MPP7: variants seen among roughly 807,000 people sequenced by gnomAD.
The protein encoded by MPP7 is MAGUK p55 subfamily member 7.
Under a neutral mutation model 76.5 loss-of-function variants are expected in MPP7, and 60 were observed. That is an observed-to-expected ratio of 0.78 (90% confidence interval 0.64 to 0.97). The LOEUF is 0.97. Ranked by LOEUF, MPP7 falls within the 50% of genes least tolerant of loss-of-function variation. The pLI is 0.00. For synonymous variants in MPP7, 237 were observed against 244.5 expected (o/e 0.97, Z 0.29); for missense variants, 641 against 694.0 (o/e 0.92, Z 0.86).
chr10:28,232,373 AC>A (rs1838916305), intron 2 of MPP7, among the ~76,000 whole-genome samples: 1 of 141,918 alleles, frequency 7.0e-6, no homozygotes, highest in Non-Finnish European at 1.5e-5. Flanking sequence ...ACACACACAC[AC>A]ACACACACAC....
At chr10:28,209,326 G>A (rs1290170108) in intron 2 of MPP7, among the ~76,000 whole-genome samples, 1 of 152,038 alleles carries the variant, frequency 6.6e-6, no homozygotes, top group East Asian at 1.9e-4. Flanking sequence ...TGTTAGCTGA[G>A]CATAGTGGTG....
intron 4 of MPP7, among the ~76,000 whole-genome samples, chr10:28,149,750 A>G (rs1390955848): frequency 6.6e-6 from 1 of 152,264 alleles, no homozygotes; most frequent in East Asian, 1.9e-4. Context: ...TTACGAAGTT[A>G]CGAAAGCAGA....
chr10:28,248,642 C>T (rs571095673), intron 1 of MPP7, among the ~76,000 whole-genome samples: 1 of 152,320 alleles, frequency 6.6e-6, no homozygotes, highest in South Asian at 2.1e-4. Flanking sequence ...CGATGCAGGG[C>T]ATAATGATGT....
chr10:28,222,999 T>G (rs1838567572), intron 2 of MPP7, among the ~76,000 whole-genome samples: 2 of 151,630 alleles, frequency 1.3e-5, no homozygotes, highest in Admixed American at 1.3e-4. Context: ...CCAGGCGTGG[T>G]GGCAGGTGCC....
At chr10:28,156,387 T>C (rs1836062593) in intron 3 of MPP7, among the ~76,000 whole-genome samples, 1 of 152,178 alleles carries the variant, frequency 6.6e-6, no homozygotes, top group Non-Finnish European at 1.5e-5. Context: ...TCGTCTCCCT[T>C]TGACTACACC....
chr10:28,085,432 C>T (rs1489149041), intron 12 of MPP7, among the ~76,000 whole-genome samples: 1 of 152,100 alleles, frequency 6.6e-6, no homozygotes, highest in African/African-American at 2.4e-5. Context: ...TAAAAACTTG[C>T]TTGAGACTGT....
At chr10:28,183,796 A>G (rs1468615666) in intron 3 of MPP7, among the ~76,000 whole-genome samples, 2 of 152,216 alleles carry the variant, frequency 1.3e-5, no homozygotes, top group Admixed American at 6.5e-5. Flanking sequence ...TCTCAAAAAA[A>G]AACAAGTTTG....
chr10:28,319,133 T>C (rs774973113), intron 2 of MPP7, among the ~76,000 whole-genome samples: 6 of 151,510 alleles, frequency 4.0e-5, no homozygotes, highest in Non-Finnish European at 7.4e-5. Flanking sequence ...TGGCAGAGGG[T>C]GAAGGGGAAG....
Position 28,089,720 on chromosome 10 carries a change from T to C in MPP7, c.1074A>G (p.Thr358=), listed in dbSNP as rs1473560831. The stretch of plus-strand genomic sequence containing the variant: ...TTTCATTAGTTTGTCGCCGATACGG[T>C]GTCACTTCTTCGTATGTGGGTACGT... ...TADVPTYEEV[T]PYRRQTNEKY... The change falls in exon 12 of 17, where the codon ACA becomes ACG. Residue 358 remains threonine (T), a synonymous_variant. Transcript: ENST00000683449. 3.1e-6 allele frequency: 5 copies of C among 1,613,970 alleles called. No individual in the cohort carries two copies. The highest frequency in any genetic ancestry group is 4.2e-6 in the Non-Finnish European group (5 of 1,179,898).
chr10:28,217,552 G>GAAAAA (rs1838355450), intron 2 of MPP7, among the ~76,000 whole-genome samples: 1 of 147,212 alleles, frequency 6.8e-6, no homozygotes, highest in Admixed American at 6.8e-5. Flanking sequence ...GAAAAGAAAA[G>GAAAAA]AAAAGAAAAG....
intron 2 of MPP7, among the ~76,000 whole-genome samples, chr10:28,324,439 T>C (rs1002630221): frequency 1.3e-5 from 2 of 152,230 alleles, no homozygotes; most frequent in South Asian, 4.1e-4. Flanking sequence ...GTAAGATTAT[T>C]ATGTACCACG....
chr10:28,261,069 T>C (rs1431913287), intron 1 of MPP7, among the ~76,000 whole-genome samples: 6 of 152,212 alleles, frequency 3.9e-5, no homozygotes, highest in African/African-American at 1.4e-4. Context: ...CCCAATTCAA[T>C]CAATTATCTT....
rs75761612 is a variant in MPP7, at chr10:28,235,931, C to T, written c.37+2637G>A. On this transcript the variant is annotated intron_variant, in intron 2 of 16. Coordinates refer to ENST00000683449, the MANE Select transcript of MPP7 (RefSeq NM_001318170.2). ...ATTCTGCAAGTAAATTAGAAAATGA[C>T]GAACCAGTACAAAAATGGGGAAGAG... Among the ~76,000 whole-genome samples, 1,511 of 152,138 alleles carry T rather than the reference C, an allele frequency of 9.9e-3. 25 individuals are homozygous for T. Among genetic ancestry groups the T allele is most frequent in the East Asian group, 0.066 (340 of 5,182 alleles).
At chr10:28,132,902 T>C (rs972131748) in intron 5 of MPP7, among the ~76,000 whole-genome samples, 3 of 46,372 alleles carry the variant, frequency 6.5e-5, no homozygotes, top group Non-Finnish European at 3.7e-4. Context: ...CTAGTGCATA[T>C]CCTATTAAAT....
At chr10:28,226,202 C>G (rs1358414212) in intron 2 of MPP7, among the ~76,000 whole-genome samples, 2 of 151,524 alleles carry the variant, frequency 1.3e-5, no homozygotes, top group Non-Finnish European at 2.9e-5. Context: ...ATTCTAGAGA[C>G]AGAAAGTAGA....
At chr10:28,195,907 T>G (rs1203865851) in intron 3 of MPP7, among the ~76,000 whole-genome samples, 1 of 152,204 alleles carries the variant, frequency 6.6e-6, no homozygotes, top group South Asian at 2.1e-4. Context: ...AACCACTGAA[T>G]TGTATGTTTT....
chr10:28,218,798 C>T (rs1193953400), intron 2 of MPP7, among the ~76,000 whole-genome samples: 1 of 152,080 alleles, frequency 6.6e-6, no homozygotes, highest in Non-Finnish European at 1.5e-5. Context: ...AAAAATAAAA[C>T]AAACATGTAA....
intron 1 of MPP7, among the ~76,000 whole-genome samples, chr10:28,287,169 A>T (rs1453724547): frequency 1.3e-5 from 2 of 152,228 alleles, no homozygotes; most frequent in African/African-American, 2.4e-5. Context: ...TAACTGACCT[A>T]TTTGTTGCCA....
intron 8 of MPP7, among the ~76,000 whole-genome samples, chr10:28,123,177 G>C (rs186839434): frequency 6.6e-6 from 1 of 152,220 alleles, no homozygotes; most frequent in East Asian, 1.9e-4. Flanking sequence ...ACCTCTTCTA[G>C]TTGGTATAGG....
Sources: allele counts gnomAD v4.1 joint callset (sites outside exome capture counted in the v4.1 genomes callset), GRCh38; gene constraint gnomAD v4.1.1; transcripts MANE v1.5; gene names NCBI Gene and HGNC (gene_info 2026-07-23, HGNC 2026-07-21).